The following PGAP1 variants were observed in gnomAD, a reference collection of about 807,000 sequenced individuals.
PGAP1 encodes the protein GPI inositol-deacylase.
A neutral mutation model predicts 127.0 loss-of-function variants in PGAP1; 76 were observed. The observed-to-expected ratio is 0.60, with a 90% CI of 0.50 to 0.72. The LOEUF (loss-of-function observed/expected upper bound fraction) is 0.72, where lower values mean the gene tolerates loss of function less well. PGAP1 is among the 30% of genes least tolerant of loss of function. The pLI is 0.00. For synonymous variants in PGAP1, 362 were observed against 366.5 expected, an observed-to-expected ratio of 0.99 and a Z score of 0.14; for missense variants, 982 against 1,071.3, an observed-to-expected ratio of 0.92 and a Z score of 1.16.
intron 19 of PGAP1, among the ~76,000 whole-genome samples, chr2:196,867,803 G>C (rs1362708326): frequency 1.3e-5 from 2 of 151,886 alleles, no homozygotes; most frequent in African/African-American, 2.4e-5. Context: ...GAAAATTCAG[G>C]GTCTCCCTAA....
rs1310779110 is a variant in PGAP1, at chr2:196,833,727, G to A, written c.*7507C>T. 6.6e-6 allele frequency: 1 copy of A among 152,050 alleles called. No individual in the cohort carries two copies. Among genetic ancestry groups the A allele is most frequent in the Non-Finnish European group, 1.5e-5 (1 of 67,966 alleles). 9.4% of individuals were successfully genotyped at this position (152,050 alleles called of 1,614,324 possible). A position where few individuals can be genotyped will look rare whatever the true frequency, so the allele number is the denominator to read the frequency against. On this transcript the variant is annotated 3_prime_UTR_variant, in exon 27 of 27. Coordinates refer to ENST00000354764, the MANE Select transcript of PGAP1 (RefSeq NM_024989.4). ...ATGTGTTGAGTTTACTTTCAAAATT[G>A]AAATTGAAAAATATACAACAACTGT...
intron 20 of PGAP1, among the ~76,000 whole-genome samples, chr2:196,861,423 G>C (rs1225815940): frequency 4.6e-5 from 7 of 152,164 alleles, no homozygotes; most frequent in Non-Finnish European, 1.0e-4. Context: ...CTATCCATCT[G>C]ATAAAGGATT....
At chr2:196,883,613 T>A (rs1273940048) in intron 12 of PGAP1, among the ~76,000 whole-genome samples, 4 of 152,190 alleles carry the variant, frequency 2.6e-5, no homozygotes, top group Non-Finnish European at 5.9e-5. Context: ...AATGGCCAAG[T>A]GTTGAATTTA....
intron 4 of PGAP1, among the ~76,000 whole-genome samples, chr2:196,905,375 A>G (rs1702661843): frequency 6.6e-6 from 1 of 152,228 alleles, no homozygotes; most frequent in Non-Finnish European, 1.5e-5. Context: ...TATTAAAATT[A>G]AAATGTTTCC....
At chr2:196,847,660 T>C in intron 21 of PGAP1, 1 of 222,988 alleles carries the variant, frequency 4.5e-6, no homozygotes, top group South Asian at 1.1e-4. Context: ...TGCGTTTGAA[T>C]CTAGGATACT....
chr2:196,872,766 C>A, intron 17 of PGAP1, 194 bp downstream of exon 17: 2 of 562,950 alleles, frequency 3.6e-6, no homozygotes, highest in Non-Finnish European at 3.1e-6. Flanking sequence ...GTTCAGGTTC[C>A]AAGGAAGTAA....
At chr2:196,901,961 C>T (rs574645350) in intron 5 of PGAP1, among the ~76,000 whole-genome samples, 242 of 152,148 alleles carry the variant, frequency 1.6e-3, no homozygotes, top group African/African-American at 5.8e-3. Context: ...GACAAGAAAC[C>T]ATTACTCCTC....
chr2:196,866,456 T>C (rs1416002567), intron 19 of PGAP1, among the ~76,000 whole-genome samples: 1 of 152,094 alleles, frequency 6.6e-6, no homozygotes, highest in Non-Finnish European at 1.5e-5. Flanking sequence ...CCTTAAAACT[T>C]ATATAAAAAT....
intron 1 of PGAP1, among the ~76,000 whole-genome samples, chr2:196,924,447 CA>C (rs1361996985): frequency 6.6e-6 from 1 of 152,174 alleles, no homozygotes; most frequent in Non-Finnish European, 1.5e-5. Context: ...CCAGAAATCT[CA>C]CTATGTTCAA....
intron 22 of PGAP1, among the ~76,000 whole-genome samples, chr2:196,846,747 G>A (rs1700567003): frequency 6.6e-6 from 1 of 152,136 alleles, no homozygotes; most frequent in African/African-American, 2.4e-5. Flanking sequence ...ACCACGAAAT[G>A]TAAAACTATC....
chr2:196,882,905 G>A (rs1333702949), intron 12 of PGAP1, among the ~76,000 whole-genome samples: 7 of 152,176 alleles, frequency 4.6e-5, no homozygotes, highest in Admixed American at 4.6e-4. Flanking sequence ...TAGGAGCGGT[G>A]AGAGAGGGCA....
rs1225177127 is a variant in PGAP1 at position 196,881,939 on chromosome 2, G to T, written c.1273-1786C>A. 3.9e-5 allele frequency among the ~76,000 whole-genome samples: 6 copies of T among 152,108 alleles called. No individual in the cohort carries two copies. The South Asian group carries it at 1.2e-3, about 32-fold the overall frequency. ...AAATCTTTGCCCATTCCTATGTCCA[G>T]AATGGTATTACCTAGGTTGTTTTCC... is the stretch of plus-strand genomic sequence containing the variant. On this transcript the variant is annotated intron_variant, in intron 12 of 26. Transcript: ENST00000354764.
chr2:196,855,417 A>C (rs757256831), intron 20 of PGAP1, among the ~76,000 whole-genome samples: 1 of 151,804 alleles, frequency 6.6e-6, no homozygotes, highest in Non-Finnish European at 1.5e-5. Flanking sequence ...TCCAATAAGC[A>C]CTCTTAAACA....
intron 12 of PGAP1, among the ~76,000 whole-genome samples, chr2:196,881,355 A>T (rs1701724305): frequency 1.3e-5 from 2 of 152,156 alleles, no homozygotes; most frequent in East Asian, 3.8e-4. Context: ...TTATAATAGA[A>T]TGCTTTATAT....
At position 196,841,248 on chromosome 2, in the gene PGAP1, A is replaced by C. The variant is rs1279562441; in HGVS notation, c.2755T>G (p.Cys919Gly). Residue 919 changes from cysteine (C) to glycine (G), a missense_variant, in exon 27 of 27, where the codon TGC (cysteine) becomes GGC (glycine). Transcript: ENST00000354764. The stretch of plus-strand genomic sequence containing the variant: ...TAAGTCCAATCTTACATAAAGTTGC[A>C]TAATGCATGGAGTAAAAGAGGAATG... ...VFIPLLLHALCNFM is the reference protein window; with the variant it reads ...VFIPLLLHALGNFM The C allele has an allele frequency of 2.5e-6, 4 of 1,612,844 alleles. No homozygotes were observed. Among genetic ancestry groups the C allele is most frequent in the Non-Finnish European group, 3.4e-6 (4 of 1,179,570 alleles).
chr2:196,884,159 T>A (rs1276511990), intron 12 of PGAP1, among the ~76,000 whole-genome samples: 1 of 152,222 alleles, frequency 6.6e-6, no homozygotes, highest in Non-Finnish European at 1.5e-5. Flanking sequence ...ATTTATTTCT[T>A]CTTAATCTTT....
intron 20 of PGAP1, among the ~76,000 whole-genome samples, chr2:196,849,762 C>T (rs1700664742): frequency 6.6e-6 from 1 of 152,138 alleles, no homozygotes; most frequent in Admixed American, 6.5e-5. Flanking sequence ...TGGACTGCTG[C>T]TTTAATATAT....
chr2:196,864,962 A>T (rs1701190231), intron 20 of PGAP1, 25 bp downstream of exon 20: 2 of 1,319,286 alleles, frequency 1.5e-6, no homozygotes, highest in Admixed American at 5.3e-5. Context: ...AACAAAAGTA[A>T]CTTAAAAATT....
intron 5 of PGAP1, among the ~76,000 whole-genome samples, chr2:196,900,673 C>A (rs1292635188): frequency 6.6e-6 from 1 of 152,204 alleles, no homozygotes; most frequent in Admixed American, 6.5e-5. Context: ...CACCTGTAAT[C>A]CCAGCACTTT....
Sources: allele counts gnomAD v4.1 joint callset (sites outside exome capture counted in the v4.1 genomes callset), GRCh38; gene constraint gnomAD v4.1.1; transcripts MANE v1.5; gene names NCBI Gene and HGNC (gene_info 2026-07-23, HGNC 2026-07-21).